C11orf65: variants seen among roughly 807,000 people sequenced by gnomAD.
C11orf65 encodes the protein protein MFI.
A neutral mutation model predicts 35.3 loss-of-function variants in C11orf65; 38 were observed. That is an observed-to-expected ratio of 1.08 (90% CI 0.83 to 1.41). The LOEUF (loss-of-function observed/expected upper bound fraction) is 1.41. Among genes scored for constraint, C11orf65 ranks in the 40% most tolerant of loss-of-function variants. The probability of loss-of-function intolerance (pLI) is 0.00; values close to 1 mark genes in which losing one functional copy is unlikely to be tolerated. For missense variants in C11orf65, 370 were observed against 367.1 expected, an observed-to-expected ratio of 1.01 and a Z score of -0.06; for synonymous variants, 105 against 114.4, an observed-to-expected ratio of 0.92 and a Z score of 0.53.
chr11:108,446,721 C>G (rs1478858420), intron 2 of C11orf65, among the ~76,000 whole-genome samples: 1 of 152,136 alleles, frequency 6.6e-6, no homozygotes, highest in Admixed American at 6.6e-5. Context: ...GAAACTGCAT[C>G]AACTAACGAG....
At chr11:108,434,419 C>T (rs892614432) in intron 2 of C11orf65, among the ~76,000 whole-genome samples, 3 of 151,734 alleles carry the variant, frequency 2.0e-5, no homozygotes, top group Non-Finnish European at 4.4e-5. Flanking sequence ...GCAGGAGAAT[C>T]GCTTGAATCT....
chr11:108,316,353 G>A (rs999630477), intron 6 of C11orf65, among the ~76,000 whole-genome samples: 8 of 152,150 alleles, frequency 5.3e-5, no homozygotes, highest in South Asian at 4.1e-4. Flanking sequence ...AAAAGATAGT[G>A]TAGATTTCTT....
downstream of C11orf65, among the ~76,000 whole-genome samples, chr11:108,379,251 G>C (rs912284168): frequency 6.6e-6 from 1 of 152,088 alleles, no homozygotes; most frequent in African/African-American, 2.4e-5. Flanking sequence ...TGATAGACTG[G>C]ATTAAGAAAA....
At chr11:108,452,105 C>T (rs900019898) in intron 2 of C11orf65, among the ~76,000 whole-genome samples, 3 of 150,768 alleles carry the variant, frequency 2.0e-5, no homozygotes, top group Admixed American at 6.6e-5. Flanking sequence ...GCAAGGACTT[C>T]ATGACTAAAA....
At chr11:108,346,154 T>C (rs1201082492) in intron 2 of C11orf65, among the ~76,000 whole-genome samples, 1 of 152,024 alleles carries the variant, frequency 6.6e-6, no homozygotes, top group African/African-American at 2.4e-5. Context: ...AAAGACAGGG[T>C]TTTCTTCTTT....
intron 3 of C11orf65, among the ~76,000 whole-genome samples, chr11:108,414,160 C>T (rs139583611): frequency 1.3e-5 from 2 of 151,916 alleles, no homozygotes; most frequent in East Asian, 3.9e-4. Flanking sequence ...AATTGATAAG[C>T]TTCTGGCTAG....
At chr11:108,459,726 TAC>T (rs60928526) in intron 2 of C11orf65, among the ~76,000 whole-genome samples, 15,285 of 138,410 alleles carry the variant, frequency 0.11, 887 homozygotes, top group Non-Finnish European at 0.12. Context: ...GTCCTCCGTC[TAC>T]ACACACACAC....
At chr11:108,443,681 A>C (rs1459823996) in intron 2 of C11orf65, among the ~76,000 whole-genome samples, 1 of 152,162 alleles carries the variant, frequency 6.6e-6, no homozygotes, top group Non-Finnish European at 1.5e-5. Context: ...AAAACCGCTC[A>C]ACTACATGGA....
rs1164569755 is a variant in C11orf65, at chr11:108,310,249, A to C, written c.641-1178T>G. Reference sequence around the variant, plus strand: ...AAGGTAGCTCAGTCTTGTGCTGCTCACTTTACAGCTTTACTCTATGCAGAA... The same window carrying C: ...AAGGTAGCTCAGTCTTGTGCTGCTCCCTTTACAGCTTTACTCTATGCAGAA... On this transcript the variant is annotated intron_variant, in intron 6 of 6. Coordinates refer to the C11orf65 transcript ENST00000525729. The C allele has an allele frequency of 1.2e-6, 2 of 1,613,430 alleles. No individual in the cohort carries two copies. Among genetic ancestry groups the C allele is most frequent in the Non-Finnish European group, 1.7e-6 (2 of 1,179,666 alleles).
chr11:108,443,202 C>A (rs1208930646), intron 2 of C11orf65, among the ~76,000 whole-genome samples: 2 of 152,050 alleles, frequency 1.3e-5, no homozygotes, highest in Non-Finnish European at 2.9e-5. Flanking sequence ...CAGACTTACA[C>A]CAACAAAGAT....
At chr11:108,352,912 T>C (rs1591302310) in intron 2 of C11orf65, among the ~76,000 whole-genome samples, 1 of 151,400 alleles carries the variant, frequency 6.6e-6, no homozygotes, top group Non-Finnish European at 1.5e-5. Flanking sequence ...GCTAGAAAAA[T>C]AGGGGGTCAG....
chr11:108,449,964 T>C (rs916304299), intron 2 of C11orf65, among the ~76,000 whole-genome samples: 4 of 150,058 alleles, frequency 2.7e-5, no homozygotes, highest in Non-Finnish European at 5.9e-5. Flanking sequence ...CATCAAAAAG[T>C]GGGCCAAGGA....
chr11:108,360,469 C>A (rs1275203970), intron 2 of C11orf65, among the ~76,000 whole-genome samples: 4 of 120,286 alleles, frequency 3.3e-5, no homozygotes, highest in Middle Eastern at 4.5e-3. Context: ...ATTCTGATAC[C>A]AAAGCCGGGC....
intron 3 of C11orf65, chr11:108,332,052 C>T (rs2086317486): frequency 1.2e-6 from 2 of 1,612,716 alleles, no homozygotes; most frequent in Non-Finnish European, 1.7e-6. Flanking sequence ...TTGGATTAAA[C>T]ATACGTACCT....
In C11orf65 at chr11:108,431,844, G is replaced by A. The variant is rs774671174; in HGVS notation, c.82-6C>T. On this transcript the variant is annotated splice_region_variant and splice_polypyrimidine_tract_variant and intron_variant, in intron 2 of 8. Coordinates refer to ENST00000393084, the MANE Select transcript of C11orf65 (RefSeq NM_152587.5). ...TGTTGAAATATAGCGACATTCTAAA[G>A]GTTCAAACACAAGATTTCATGATCA... 3 of 1,444,490 alleles carry A rather than the reference G, an allele frequency of 2.1e-6. 1 individual carries two copies. Among genetic ancestry groups the A allele is most frequent in the Non-Finnish European group, 1.9e-6 (2 of 1,067,762 alleles). The allele number at this position is 1,444,490 out of a possible 1,614,324, so 89.5% of individuals were successfully genotyped here. A position where few individuals can be genotyped will look rare whatever the true frequency, so the allele number is the denominator to read the frequency against.
At chr11:108,451,511 C>G (rs2093347212) in intron 2 of C11orf65, among the ~76,000 whole-genome samples, 1 of 151,850 alleles carries the variant, frequency 6.6e-6, no homozygotes, top group Non-Finnish European at 1.5e-5. Context: ...AAAGAGGACA[C>G]AAACAAATGG....
chr11:108,352,592 A>G (rs1240560060), intron 2 of C11orf65, among the ~76,000 whole-genome samples: 1 of 152,192 alleles, frequency 6.6e-6, no homozygotes, highest in Non-Finnish European at 1.5e-5. Flanking sequence ...TCTACTTATA[A>G]AATGGCCATG....
In C11orf65 at chr11:108,396,870, T is replaced by TAAATAAATAAATAAATAAATAAATA. The variant is rs71942809; in HGVS notation, c.561-3493_561-3492insTATTTATTTATTTATTTATTTATTT. ...ATAAATAAATAAATAAATAAATAAA[T>TAAATAAATAAATAAATAAATAAATA]AAATAAAATAAAATAGTTACTATTA... On this transcript the variant is annotated intron_variant, in intron 6 of 8. Coordinates refer to ENST00000393084, the MANE Select transcript of C11orf65 (RefSeq NM_152587.5). Among the ~76,000 whole-genome samples, 21 of 144,974 alleles carry TAAATAAATAAATAAATAAATAAATA rather than the reference T, an allele frequency of 1.4e-4. 1 individual carries two copies. Among genetic ancestry groups the TAAATAAATAAATAAATAAATAAATA allele is most frequent in the African/African-American group, 4.6e-4 (18 of 39,360 alleles).
At chr11:108,354,070 A>ACACACACACAC (rs2089570249) in intron 2 of C11orf65, among the ~76,000 whole-genome samples, 150 of 114,938 alleles carry the variant, frequency 1.3e-3, no homozygotes, top group African/African-American at 4.0e-3. Flanking sequence ...CACACACACA[A>ACACACACACAC]ACACACACAC....
Sources: allele counts gnomAD v4.1 joint callset (sites outside exome capture counted in the v4.1 genomes callset), GRCh38; gene constraint gnomAD v4.1.1; transcripts MANE v1.5; gene names NCBI Gene and HGNC (gene_info 2026-07-23, HGNC 2026-07-21).